The following CWF19L2 variants were observed in gnomAD, a reference collection of about 807,000 sequenced individuals.
The protein encoded by CWF19L2 is CWF19-like protein 2.
Under a neutral mutation model 111.7 loss-of-function variants are expected in CWF19L2, and 98 were observed. The ratio of observed to expected loss-of-function variants is 0.88; its 90% CI spans 0.75 to 1.04. CWF19L2 has a LOEUF of 1.04. Ranked by LOEUF, CWF19L2 falls within the 50% of genes least tolerant of loss-of-function variation. The pLI is 0.00. For synonymous variants in CWF19L2, 351 were observed against 342.9 expected, an observed-to-expected ratio of 1.02 and a Z score of -0.26; for missense variants, 1,101 against 1,051.4, an observed-to-expected ratio of 1.05 and a Z score of -0.65.
chr11:107,371,789 T>C (rs965008229), intron 12 of CWF19L2, among the ~76,000 whole-genome samples: 1 of 137,004 alleles, frequency 7.3e-6, no homozygotes, highest in Non-Finnish European at 1.6e-5. Context: ...CGGTCATTGC[T>C]GTCACCATTC....
At chr11:107,403,264 G>A (rs980932145) in intron 10 of CWF19L2, 2 of 389,602 alleles carry the variant, frequency 5.1e-6, no homozygotes, top group Admixed American at 7.7e-5. Context: ...AAAAAAAACT[G>A]TATTTATCTG....
chr11:107,382,835 C>T (rs949805128), intron 12 of CWF19L2, among the ~76,000 whole-genome samples: 1 of 152,250 alleles, frequency 6.6e-6, no homozygotes, highest in Admixed American at 6.5e-5. Flanking sequence ...GGACTCTAAT[C>T]TTCTCCTACC....
At chr11:107,444,554 A>T (rs1861675338) in intron 3 of CWF19L2, among the ~76,000 whole-genome samples, 1 of 152,148 alleles carries the variant, frequency 6.6e-6, no homozygotes, top group African/African-American at 2.4e-5. Context: ...ATGTCTAAAC[A>T]TTCCCTTTGG....
At chr11:107,353,793 G>A (rs1860194735) in intron 12 of CWF19L2, 57 bp from the exon 13 acceptor site, 2 of 1,292,866 alleles carry the variant, frequency 1.5e-6, no homozygotes, top group South Asian at 1.2e-5. Context: ...AGATTTTACT[G>A]CACTGTGGTA....
chr11:107,414,444 T>G (rs1472984254), intron 10 of CWF19L2, among the ~76,000 whole-genome samples: 1 of 152,200 alleles, frequency 6.6e-6, no homozygotes, highest in Non-Finnish European at 1.5e-5. Flanking sequence ...TGTGATTATT[T>G]TATGCAGTAT....
chr11:107,339,791 C>G (rs996109705), intron 14 of CWF19L2, among the ~76,000 whole-genome samples: 9 of 151,664 alleles, frequency 5.9e-5, no homozygotes, highest in African/African-American at 1.5e-4. Context: ...TTGGCCCCCC[C>G]ACAACAGCTG....
At chr11:107,344,289 T>C (rs146717950) in intron 14 of CWF19L2, among the ~76,000 whole-genome samples, 233 of 152,340 alleles carry the variant, frequency 1.5e-3, no homozygotes, top group African/African-American at 5.1e-3. Flanking sequence ...GTCATCATAC[T>C]GGCTTCTCCT....
At chr11:107,454,910 T>C (rs1052316682) in intron 2 of CWF19L2, among the ~76,000 whole-genome samples, 10 of 151,984 alleles carry the variant, frequency 6.6e-5, no homozygotes, top group African/African-American at 2.2e-4. Context: ...CAAACACACA[T>C]ACATATAATA....
intron 6 of CWF19L2, among the ~76,000 whole-genome samples, chr11:107,435,530 T>C (rs1372262092): frequency 3.3e-5 from 5 of 152,114 alleles, no homozygotes; most frequent in Non-Finnish European, 7.4e-5. Flanking sequence ...AGTAAGACTA[T>C]TCCTCTATGT....
chr11:107,449,711 C>T (rs1327081852), intron 3 of CWF19L2, among the ~76,000 whole-genome samples: 1 of 151,308 alleles, frequency 6.6e-6, no homozygotes, highest in African/African-American at 2.4e-5. Context: ...ATAAGGTATA[C>T]CTAATAAGCC....
At chr11:107,354,074 A>T (rs1860199568) in intron 12 of CWF19L2, among the ~76,000 whole-genome samples, 1 of 151,770 alleles carries the variant, frequency 6.6e-6, no homozygotes, top group African/African-American at 2.4e-5. Flanking sequence ...TTAAAAATTC[A>T]CATATACACT....
Position 107,420,895 on chromosome 11 carries a change from C to T in CWF19L2, c.1434-2608G>A, listed in dbSNP as rs768146479. 3.6e-4 allele frequency among the ~76,000 whole-genome samples: 54 copies of T among 151,978 alleles called. 1 individual carries two copies. The highest frequency in any genetic ancestry group is 6.8e-4 in the Non-Finnish European group (46 of 67,930). ...ATGGATAAAGGGGGACTACTGTAAA[C>T]AGAATCAGCAAGCATAAGGAAGACC... On this transcript the variant is annotated intron_variant, in intron 8 of 17. Transcript: ENST00000282251.
intron 17 of CWF19L2, among the ~76,000 whole-genome samples, chr11:107,329,689 T>C (rs1219790591): frequency 1.3e-5 from 2 of 152,152 alleles, no homozygotes; most frequent in Admixed American, 1.3e-4. Flanking sequence ...ATTATAGTAA[T>C]TGTTGACACC....
intron 10 of CWF19L2, among the ~76,000 whole-genome samples, chr11:107,402,869 G>GTATATATA (rs1491324734): frequency 9.1e-5 from 2 of 22,016 alleles, no homozygotes; most frequent in Non-Finnish European, 1.5e-4. Flanking sequence ...ACAAACTGTG[G>GTATATATA]TGTGTATATA....
chr11:107,434,986 TGTA>T (rs1442870956), intron 6 of CWF19L2, among the ~76,000 whole-genome samples: 1 of 152,132 alleles, frequency 6.6e-6, no homozygotes, highest in African/African-American at 2.4e-5. Flanking sequence ...TGTAAGCTAT[TGTA>T]GGAAGGTTTT....
chr11:107,448,343 C>A (rs1303910849), intron 3 of CWF19L2, among the ~76,000 whole-genome samples: 12 of 54,890 alleles, frequency 2.2e-4, no homozygotes, highest in South Asian at 8.2e-4. Flanking sequence ...GACTCCGTCA[C>A]AAAAAAAAAA....
At chr11:107,432,665 A>T (rs1051487509) in intron 7 of CWF19L2, among the ~76,000 whole-genome samples, 4 of 152,240 alleles carry the variant, frequency 2.6e-5, no homozygotes, top group Admixed American at 2.6e-4. Context: ...CAATCACAAC[A>T]GCATGAACTA....
At chr11:107,380,736 C>A (rs1860673133) in intron 12 of CWF19L2, among the ~76,000 whole-genome samples, 1 of 151,906 alleles carries the variant, frequency 6.6e-6, no homozygotes, top group Non-Finnish European at 1.5e-5. Flanking sequence ...TAATATATAC[C>A]CAAACAAATT....
intron 8 of CWF19L2, among the ~76,000 whole-genome samples, chr11:107,421,782 T>A (rs1455092738): frequency 6.6e-6 from 1 of 152,118 alleles, no homozygotes; most frequent in Non-Finnish European, 1.5e-5. Flanking sequence ...ACAATCACTT[T>A]GGAAAACAGT....
Sources: allele counts gnomAD v4.1 joint callset (sites outside exome capture counted in the v4.1 genomes callset), GRCh38; gene constraint gnomAD v4.1.1; transcripts MANE v1.5; gene names NCBI Gene and HGNC (gene_info 2026-07-23, HGNC 2026-07-21).